Variants in RAP1GAP observed in about 807,000 individuals in gnomAD.
RAP1GAP encodes the protein rap1 GTPase-activating protein 1.
In RAP1GAP, 35 loss-of-function variants were observed where a neutral mutation model predicts 87.2. That is an observed-to-expected ratio of 0.40 (90% CI 0.31 to 0.53). RAP1GAP has a LOEUF of 0.53. RAP1GAP is among the 20% of genes least tolerant of loss of function. The pLI is 0.48. For synonymous variants in RAP1GAP, 375 were observed against 363.9 expected, an observed-to-expected ratio of 1.03 and a Z score of -0.35; for missense variants, 734 against 898.9, an observed-to-expected ratio of 0.82 and a Z score of 2.35.
intron 17 of RAP1GAP, among the ~76,000 whole-genome samples, 193 bp downstream of exon 17, chr1:21,608,020 T>G (rs1387078011): frequency 2.8e-5 from 4 of 145,416 alleles, no homozygotes; most frequent in East Asian, 4.1e-4. Flanking sequence ...CCTCTCAGAC[T>G]CCAATGCGAA....
rs1307497185 is a variant in RAP1GAP at position 21,615,916 on chromosome 1, C to T, written c.291+1390G>A. Among the ~76,000 whole-genome samples, 1 of 152,186 alleles carries T rather than the reference C, an allele frequency of 6.6e-6. No individual in the cohort carries two copies. Among genetic ancestry groups the T allele is most frequent in the Non-Finnish European group, 1.5e-5 (1 of 68,034 alleles). On this transcript the variant is annotated intron_variant, in intron 7 of 24. Transcript: ENST00000374765. The surrounding 1 kb of genome is among the most constrained non-coding windows in gnomAD (Gnocchi z 4.5). ...TGCCTAGGATGCAGGTCTCGCTCCA[C>T]CTCTAGGGCTCAGCTGGGAAGTGGA...
At chr1:21,651,305 G>A (rs1006426311) in intron 1 of RAP1GAP, 3 of 417,716 alleles carry the variant, frequency 7.2e-6, no homozygotes, top group Non-Finnish European at 1.5e-5. Context: ...TATCCAGAGC[G>A]TCACTGAGGG....
intron 3 of RAP1GAP, among the ~76,000 whole-genome samples, chr1:21,625,271 C>T (rs2091458339): frequency 6.6e-6 from 1 of 152,206 alleles, no homozygotes; most frequent in Admixed American, 6.5e-5. Flanking sequence ...TTTGCCTCTG[C>T]TATTTTCTGG....
intron 1 of RAP1GAP, chr1:21,651,993 C>G (rs1219264022): frequency 1.7e-5 from 6 of 356,998 alleles, no homozygotes; most frequent in Admixed American, 1.3e-4. Flanking sequence ...CAGAAAGGGC[C>G]GCTTGTTCGC....
In RAP1GAP at chr1:21,614,035, G is replaced by T; in HGVS notation, c.346C>A (p.Leu116Ile). The T allele has an allele frequency of 6.2e-7, 1 of 1,612,992 alleles. No individual in the cohort carries two copies. Among genetic ancestry groups the T allele is most frequent in the Non-Finnish European group, 8.5e-7 (1 of 1,179,408 alleles). ...DAALGHLVFS[L>I]KYDVIGDQEH... Reference sequence around the variant, plus strand: ...TGGTCCCCGATGACATCGTACTTGAGTGAGAAGACAAGGTGGCCGAGGGCA... The same window carrying T: ...TGGTCCCCGATGACATCGTACTTGATTGAGAAGACAAGGTGGCCGAGGGCA... Residue 116 changes from leucine (L) to isoleucine (I), a missense_variant, in exon 8 of 25, where the codon CTC (leucine) becomes ATC (isoleucine). By Grantham distance (5) the Leu-to-Ile change is conservative. This residue lies in a region of RAP1GAP where 485 missense variants were observed against 646.2 expected (regional missense o/e 0.75). Transcript: ENST00000374765.
rs59476256 is a variant in RAP1GAP at position 21,634,058 on chromosome 1, CGG to C, written c.-112-7663_-112-7662del. Among the ~76,000 whole-genome samples, 13,366 of 142,670 alleles carry C rather than the reference CGG, an allele frequency of 0.094. 1,209 individuals are homozygous for C. Among genetic ancestry groups the C allele is most frequent in the African/African-American group, 0.23 (8,264 of 36,412 alleles). 93.6% of individuals were successfully genotyped at this position (142,670 alleles called of 152,430 possible). ...TGGCTGCCCCAGAACTGCCCCCTCC[CGG>C]GGGGGGGGGGGGGCCACAGAAGCCC... is the stretch of plus-strand genomic sequence containing the variant. On this transcript the variant is annotated intron_variant, in intron 2 of 24. Coordinates refer to ENST00000374765, the MANE Select transcript of RAP1GAP (RefSeq NM_002885.4). The surrounding 1 kb of genome is among the most constrained non-coding windows in gnomAD (Gnocchi z 4.1).
At position 21,617,456 on chromosome 1, in the gene RAP1GAP, C is replaced by A; in HGVS notation, c.141G>T (p.Leu47=). ...TCCAGTAGCCCCCAAACTGGGGCAG[C>A]AGGATGAGGGGGAAGGGTCCTTCTC... ...LGREGPFPLI[L]LPQFGGYWIE... The change falls in exon 7 of 25, where the codon CTG becomes CTT. Residue 47 remains leucine (L), a synonymous_variant. Transcript: ENST00000374765. 6.2e-7 allele frequency: 1 copy of A among 1,605,856 alleles called. No individual in the cohort carries two copies.
intron 1 of RAP1GAP, chr1:21,651,541 C>G: frequency 1.5e-6 from 1 of 677,428 alleles, no homozygotes; most frequent in Non-Finnish European, 2.8e-6. Context: ...ACTCACCTCC[C>G]CACACATGCA....
rs2149359950 is a variant in RAP1GAP, at chr1:21,611,764, T to A, written c.665A>T (p.Glu222Val). The change falls in exon 12 of 25, where the codon GAG becomes GTG. Residue 222 changes from glutamate (E) to valine (V), a missense_variant. Transcript: ENST00000374765. Reference protein sequence around the residue: ...STNEESPAFVEFLEFLGQKVK... With the variant: ...STNEESPAFVVFLEFLGQKVK... Reference sequence around the variant, plus strand: ...CTTCTGGCCAAGAAATTCAAGGAACTCCACGAAAGCGGGACTTTCCTCATT... The same window carrying A: ...CTTCTGGCCAAGAAATTCAAGGAACACCACGAAAGCGGGACTTTCCTCATT... 1 of 1,614,106 alleles carries A rather than the reference T, an allele frequency of 6.2e-7. No individual in the cohort carries two copies. The highest frequency in any genetic ancestry group is 8.5e-7 in the Non-Finnish European group (1 of 1,179,938).
At position 21,609,559 on chromosome 1, in the gene RAP1GAP, G is replaced by T; in HGVS notation, c.1071+16C>A. 6.8e-7 allele frequency: 1 copy of T among 1,473,526 alleles called. No individual in the cohort carries two copies. The highest frequency in any genetic ancestry group is 9.2e-7 in the Non-Finnish European group (1 of 1,087,186). 91.3% of individuals were successfully genotyped at this position (1,473,526 alleles called of 1,614,324 possible). A position where few individuals can be genotyped will look rare whatever the true frequency, so the allele number is the denominator to read the frequency against. On this transcript the variant is annotated intron_variant, in intron 15 of 24. Transcript: ENST00000374765. This position sits in a 1 kb window ranked among gnomAD's most constrained non-coding sequence, Gnocchi z 4.4. ...ATTTGTCCTGCTCTGCCCATGACTG[G>T]GGGGGTGCCCCTCACCTTCCTGAAC...
At chr1:21,621,709 C>G (rs567434081) in intron 3 of RAP1GAP, among the ~76,000 whole-genome samples, 7 of 152,328 alleles carry the variant, frequency 4.6e-5, no homozygotes, top group African/African-American at 1.7e-4. Context: ...CCCAGGTCAG[C>G]CACACAACCT....
chr1:21,649,608 C>T (rs566879542), intron 2 of RAP1GAP, among the ~76,000 whole-genome samples, 153 bp downstream of exon 2: 1 of 152,216 alleles, frequency 6.6e-6, no homozygotes, highest in South Asian at 2.1e-4. Context: ...ACTCTGGGGA[C>T]AGTAAGAGGG....
chr1:21,642,799 C>A (rs939389244), intron 2 of RAP1GAP, among the ~76,000 whole-genome samples: 1 of 151,876 alleles, frequency 6.6e-6, no homozygotes, highest in Non-Finnish European at 1.5e-5. Flanking sequence ...CCACCACACA[C>A]TTTTCTCCTC....
chr1:21,631,631 A>G (rs547548430), intron 2 of RAP1GAP, among the ~76,000 whole-genome samples: 2 of 152,206 alleles, frequency 1.3e-5, no homozygotes, highest in Non-Finnish European at 2.9e-5. Flanking sequence ...GGTTGCAGTG[A>G]GCCGAGATTG....
Position 21,609,040 on chromosome 1 carries a change from C to A in RAP1GAP, c.1072-104G>T. The A allele has an allele frequency of 2.1e-6, 2 of 974,048 alleles. No homozygotes were observed. The highest frequency in any genetic ancestry group is 1.3e-5 in the South Asian group (1 of 75,102). The allele number at this position is 974,048 out of a possible 1,614,324, so 60.3% of individuals were successfully genotyped here. On this transcript the variant is annotated intron_variant, in intron 15 of 24. Coordinates refer to ENST00000374765, the MANE Select transcript of RAP1GAP (RefSeq NM_002885.4). The surrounding 1 kb of genome is among the most constrained non-coding windows in gnomAD (Gnocchi z 4.4). ...CAGAGGCTGCAGCTCCTGAACCATG[C>A]TCTGCTGGGGCCTGGGGTCACCCTC... is the stretch of plus-strand genomic sequence containing the variant.
chr1:21,626,172 C>A, intron 3 of RAP1GAP, 132 bp downstream of exon 3: 2 of 793,324 alleles, frequency 2.5e-6, no homozygotes, highest in Non-Finnish European at 2.1e-6. Context: ...CCCTTAGGAG[C>A]TAAACCCCAT....
In RAP1GAP at chr1:21,656,436, A is replaced by C. The variant is rs200219006; in HGVS notation, c.-148-6640T>G. Among the ~76,000 whole-genome samples, 1,304 of 146,634 alleles carry C rather than the reference A, an allele frequency of 8.9e-3. 91 individuals are homozygous for C. Among genetic ancestry groups the C allele is most frequent in the Admixed American group, 0.052 (776 of 14,800 alleles). ...TCCATCTAAAAAAAAAAAAAAAAAA[A>C]AAAAAAAAAAAAAAAAAAGACCTAA... On this transcript the variant is annotated intron_variant, in intron 1 of 24. Transcript: ENST00000374765.
At chr1:21,658,826 G>A (rs1420027165) in intron 1 of RAP1GAP, among the ~76,000 whole-genome samples, 1 of 151,452 alleles carries the variant, frequency 6.6e-6, no homozygotes, top group African/African-American at 2.4e-5. Flanking sequence ...CAGCATTCAT[G>A]TAGGGAGGTG....
rs549991266 is a variant in RAP1GAP at position 21,612,211 on chromosome 1, A to G, written c.529-102T>C. The G allele has an allele frequency of 1.3e-3, 1,104 of 863,548 alleles. 2 individuals carry two copies. Among genetic ancestry groups the G allele is most frequent in the Non-Finnish European group, 1.9e-3 (975 of 524,514 alleles). The allele number at this position is 863,548 out of a possible 1,614,324, so 53.5% of individuals were successfully genotyped here. A position where few individuals can be genotyped will look rare whatever the true frequency, so the allele number is the denominator to read the frequency against. ...CTGAGCCAGGCGCTCTACACACGTC[A>G]CGTCATGTGATTCTCAGAACAAGCC... On this transcript the variant is annotated intron_variant, in intron 10 of 24. Transcript: ENST00000374765.
Sources: gnomAD v4.1 joint callset for allele counts (sites outside exome capture counted in the v4.1 genomes callset) on GRCh38, gnomAD v4.1.1 for gene constraint, gnomAD v4.1.1 regional missense constraint, Gnocchi (gnomAD v3.1) non-coding constraint, MANE v1.5 for transcripts, NCBI Gene and HGNC (gene_info 2026-07-23, HGNC 2026-07-21) for gene names.